The following ANGEL1 variants were observed in gnomAD, a reference collection of about 807,000 sequenced individuals.
ANGEL1 encodes RNA 2',3'-cyclic phosphatase ANGEL1.
Under a neutral mutation model 76.4 loss-of-function variants are expected in ANGEL1, and 62 were observed. The observed-to-expected ratio is 0.81, with a 90% CI of 0.66 to 1.00. The LOEUF (loss-of-function observed/expected upper bound fraction) is 1.00. Ranked by LOEUF, ANGEL1 falls within the 50% of genes least tolerant of loss-of-function variation. The pLI is 0.00. For synonymous variants in ANGEL1, 340 were observed against 331.7 expected, an observed-to-expected ratio of 1.03 and a Z score of -0.27; for missense variants, 737 against 836.7, an observed-to-expected ratio of 0.88 and a Z score of 1.47.
Position 76,788,169 on chromosome 14 carries a change from T to C in ANGEL1, c.*1059A>G, listed in dbSNP as rs1172570830. The stretch of plus-strand genomic sequence containing the variant: ...AGGAGAGGAACAGAAAATTGCTTCT[T>C]AGGAGTGGAGAGGAAAGAGAATCAG... On this transcript the variant is annotated 3_prime_UTR_variant, in exon 10 of 10. Coordinates refer to ENST00000251089, the MANE Select transcript of ANGEL1 (RefSeq NM_015305.4). The C allele has an allele frequency of 1.3e-5, 2 of 152,172 alleles. No individual in the cohort carries two copies. The highest frequency in any genetic ancestry group is 1.3e-4 in the Admixed American group (2 of 15,282). The allele number at this position is 152,172 out of a possible 1,614,324, so 9.4% of individuals were successfully genotyped here. A position where few individuals can be genotyped will look rare whatever the true frequency, so the allele number is the denominator to read the frequency against.
intron 7 of ANGEL1, among the ~76,000 whole-genome samples, chr14:76,799,228 GA>G (rs1265795696): frequency 1.5e-5 from 2 of 130,038 alleles, no homozygotes; most frequent in Non-Finnish European, 3.1e-5. Flanking sequence ...AGAGCCTCTA[GA>G]AAAATGAACT....
chr14:76,801,708 T>C (rs1016936977), intron 7 of ANGEL1, among the ~76,000 whole-genome samples: 10 of 152,222 alleles, frequency 6.6e-5, no homozygotes, highest in Non-Finnish European at 1.2e-4. Flanking sequence ...TTGTGCTGCA[T>C]ACAATTTTGT....
At chr14:76,812,607 G>C (rs1755807935) in intron 1 of ANGEL1, 157 bp downstream of exon 1, 2 of 1,299,820 alleles carry the variant, frequency 1.5e-6, no homozygotes, top group Admixed American at 4.1e-5. Context: ...GGAGGGGCCC[G>C]CGGGGCAGGG....
intron 7 of ANGEL1, among the ~76,000 whole-genome samples, chr14:76,802,495 TTCTC>T: frequency 6.6e-6 from 1 of 152,264 alleles, no homozygotes; most frequent in South Asian, 2.1e-4. Context: ...TTTTAAATCT[TTCTC>T]TCTCCCAAGC....
chr14:76,789,291 G>A lies in ANGEL1; in HGVS notation c.1950C>T (p.Pro650=), dbSNP rs754516658. The A allele has an allele frequency of 3.1e-6, 5 of 1,614,136 alleles. No homozygotes were observed. In the Admixed American group the frequency reaches 6.7e-5, roughly 22 times the overall value. The part of the protein sequence containing the change: ...ILWAANGLPN[P]FCSSDHLCLL... ...GGCAGAGGTGGTCTGAAGAGCAGAA[G>A]GGGTTGGGTAAGCCATTGGCAGCCC... is the stretch of plus-strand genomic sequence containing the variant. Residue 650 remains proline (P), a synonymous_variant, in exon 10 of 10, where the codon CCC becomes CCT. Coordinates refer to ENST00000251089, the MANE Select transcript of ANGEL1 (RefSeq NM_015305.4).
Position 76,790,648 on chromosome 14 carries a change from G to A in ANGEL1, c.1815C>T (p.Phe605=). The change falls in exon 9 of 10, where the codon TTC becomes TTT. Residue 605 remains phenylalanine (F), a synonymous_variant. Transcript: ENST00000251089. The part of the protein sequence containing the change: ...LGLGMTVDYI[F]FSAESCENGN... ...CATTCTCACAGGACTCAGCTGAGAA[G>A]AAGATGTAATCTACTGTCATTCCAA... 2 of 1,614,094 alleles carry A rather than the reference G, an allele frequency of 1.2e-6. No homozygotes were observed. The highest frequency in any genetic ancestry group is 1.7e-5 in the Admixed American group (1 of 60,014).
chr14:76,789,088 T>TG lies in ANGEL1; in HGVS notation c.*139dup. 3 of 1,187,534 alleles carry TG rather than the reference T, an allele frequency of 2.5e-6. No homozygotes were observed. The South Asian group carries it at 4.4e-5, about 17-fold the overall frequency. The allele number at this position is 1,187,534 out of a possible 1,614,324, so 73.6% of individuals were successfully genotyped here. A position where few individuals can be genotyped will look rare whatever the true frequency, so the allele number is the denominator to read the frequency against. On this transcript the variant is annotated 3_prime_UTR_variant, in exon 10 of 10. Transcript: ENST00000251089. Reference sequence around the variant, plus strand: ...GCCAGGCCTGGAGAAAGTCTAACCGTGGGAAAAAGGGAACGAGGAGGGGGA... The same window carrying TG: ...GCCAGGCCTGGAGAAAGTCTAACCGTGGGGAAAAAGGGAACGAGGAGGGGGA...
chr14:76,807,990 G>A lies in ANGEL1; in HGVS notation c.808C>T (p.Pro270Ser). ...QSSELYLHCH[P>S]DILNWNYRFV... is the part of the protein sequence containing the mutation. ...CGATAGTTCCAATTGAGGATGTCTG[G>A]ATGGCAATGTAGATAGAGCTCTGAG... Residue 270 changes from proline (P) to serine (S), a missense_variant, in exon 3 of 10, where the codon CCA (proline) becomes TCA (serine). Coordinates refer to ENST00000251089, the MANE Select transcript of ANGEL1 (RefSeq NM_015305.4). The A allele has an allele frequency of 6.2e-7, 1 of 1,614,198 alleles. No individual in the cohort carries two copies. The highest frequency in any genetic ancestry group is 8.5e-7 in the Non-Finnish European group (1 of 1,180,038).
intron 5 of ANGEL1, 94 bp downstream of exon 5, chr14:76,806,322 A>T: frequency 7.5e-7 from 1 of 1,326,312 alleles, no homozygotes; most frequent in Non-Finnish European, 1.0e-6. Context: ...GAGCAGGTGT[A>T]CTGAGGTCCC....
intron 7 of ANGEL1, among the ~76,000 whole-genome samples, chr14:76,792,064 A>G (rs1782674591): frequency 2.0e-5 from 3 of 152,222 alleles, no homozygotes; most frequent in Non-Finnish European, 1.5e-5. Context: ...CAGAAATGAA[A>G]GAGGGGCCAT....
intron 1 of ANGEL1, among the ~76,000 whole-genome samples, chr14:76,809,912 T>C (rs895531830): frequency 1.6e-4 from 24 of 152,242 alleles, no homozygotes; most frequent in Non-Finnish European, 5.9e-5. Context: ...AGAACAGCTG[T>C]CTCACATAAT....
At chr14:76,803,990 G>A (rs1451081059) in intron 5 of ANGEL1, 78 bp from the exon 6 acceptor site, 2 of 1,613,176 alleles carry the variant, frequency 1.2e-6, no homozygotes, top group Admixed American at 1.7e-5. Flanking sequence ...TGGGACATGT[G>A]GACAAATACA....
At chr14:76,797,985 A>G (rs2140216772) in intron 7 of ANGEL1, among the ~76,000 whole-genome samples, 1 of 152,312 alleles carries the variant, frequency 6.6e-6, no homozygotes, top group African/African-American at 2.4e-5. Flanking sequence ...TTAGGTCACA[A>G]GTGTGGAGTC....
At chr14:76,812,283 G>A (rs1895110984) in intron 1 of ANGEL1, 2 of 990,734 alleles carry the variant, frequency 2.0e-6, no homozygotes, top group Non-Finnish European at 2.4e-6. Flanking sequence ...AGGTGGCAGT[G>A]AAAGGCGAGT....
At chr14:76,791,464 A>T (rs1273859210) in intron 7 of ANGEL1, 98 bp from the exon 8 acceptor site, 1 of 1,150,108 alleles carries the variant, frequency 8.7e-7, no homozygotes, top group Non-Finnish European at 1.3e-6. Flanking sequence ...CCTTGACTGG[A>T]TTGCTTCAGA....
At chr14:76,799,703 C>A (rs1161618273) in intron 7 of ANGEL1, among the ~76,000 whole-genome samples, 1 of 151,934 alleles carries the variant, frequency 6.6e-6, no homozygotes. Context: ...CTCAAGAGTT[C>A]GGGACCAGCC....
chr14:76,804,058 C>A, intron 5 of ANGEL1, 146 bp from the exon 6 acceptor site: 3 of 1,534,402 alleles, frequency 2.0e-6, no homozygotes, highest in Non-Finnish European at 2.6e-6. Flanking sequence ...GTCTCAGGGG[C>A]AGGTTAAAAA....
In ANGEL1 at chr14:76,791,380, G is replaced by A. The variant is rs771569886; in HGVS notation, c.1619-14C>T. Reference sequence around the variant, plus strand: ...CCGCAGGTCGCTCTGCAGAGGACCAGAGAGAAAAACATTTTCTCATCCACA... The same window carrying A: ...CCGCAGGTCGCTCTGCAGAGGACCAAAGAGAAAAACATTTTCTCATCCACA... On this transcript the variant is annotated splice_polypyrimidine_tract_variant and intron_variant, in intron 7 of 9. Transcript: ENST00000251089. 15 of 1,613,016 alleles carry A rather than the reference G, an allele frequency of 9.3e-6. No individual in the cohort carries two copies. In the East Asian group the frequency reaches 3.1e-4, roughly 34 times the overall value.
At chr14:76,807,366 T>A in intron 4 of ANGEL1, 67 bp downstream of exon 4, 1 of 1,469,020 alleles carries the variant, frequency 6.8e-7, no homozygotes. Context: ...AAGGATGGGG[T>A]CTTCAGGAGA....
Sources: gnomAD v4.1 joint callset for allele counts (sites outside exome capture counted in the v4.1 genomes callset) on GRCh38, gnomAD v4.1.1 for gene constraint, MANE v1.5 for transcripts, NCBI Gene and HGNC (gene_info 2026-07-23, HGNC 2026-07-21) for gene names.